CEP112: variants seen among roughly 807,000 people sequenced by gnomAD.
The protein encoded by CEP112 is centrosomal protein 112.
Under a neutral mutation model 153.0 loss-of-function variants are expected in CEP112, and 127 were observed. The ratio of observed to expected loss-of-function variants is 0.83; its 90% CI spans 0.72 to 0.96. The LOEUF (loss-of-function observed/expected upper bound fraction) is 0.96. Among genes scored for constraint, CEP112 ranks in the 40% least tolerant of loss-of-function variants. The pLI, the probability that CEP112 is intolerant of heterozygous loss-of-function variation, is 0.00. For missense variants in CEP112, 1,089 were observed against 1,101.2 expected (o/e 0.99, Z 0.16); for synonymous variants, 358 against 374.4 (o/e 0.96, Z 0.51).
intron 22 of CEP112, among the ~76,000 whole-genome samples, chr17:65,747,377 A>G (rs577057907): frequency 5.3e-5 from 8 of 152,272 alleles, no homozygotes; most frequent in African/African-American, 1.9e-4. Context: ...AGTGTGGGAC[A>G]GTGGTAGGAG....
intron 16 of CEP112, among the ~76,000 whole-genome samples, chr17:66,007,567 GTAGAGAGTCAA>G (rs1344206613): frequency 1.3e-5 from 2 of 152,152 alleles, no homozygotes; most frequent in Non-Finnish European, 2.9e-5. Flanking sequence ...TCTTTTTAAT[GTAGAGAGTCAA>G]AGACTAAAAC....
intron 20 of CEP112, among the ~76,000 whole-genome samples, chr17:65,894,738 C>T (rs2059602162): frequency 6.6e-6 from 1 of 152,008 alleles, no homozygotes; most frequent in Admixed American, 6.6e-5. Context: ...TCTGGGCACT[C>T]CTTCTTATTT....
At chr17:65,653,184 T>C (rs2045875983) in intron 24 of CEP112, among the ~76,000 whole-genome samples, 1 of 152,240 alleles carries the variant, frequency 6.6e-6, no homozygotes. Context: ...ATTCATTGTA[T>C]AGCAGTGTGC....
chr17:65,841,991 C>T (rs1210484959), intron 21 of CEP112, among the ~76,000 whole-genome samples: 4 of 151,846 alleles, frequency 2.6e-5, no homozygotes, highest in African/African-American at 9.7e-5. Flanking sequence ...AAATATAAAA[C>T]TTTGATGATA....
chr17:65,758,343 G>C (rs1055663988), intron 21 of CEP112, among the ~76,000 whole-genome samples: 3 of 151,958 alleles, frequency 2.0e-5, no homozygotes, highest in Admixed American at 2.0e-4. Context: ...CCTTATTAAA[G>C]AGCCCAATGT....
At chr17:65,853,722 C>T (rs2058041037) in intron 20 of CEP112, among the ~76,000 whole-genome samples, 1 of 101,780 alleles carries the variant, frequency 9.8e-6, no homozygotes, top group African/African-American at 3.6e-5. Flanking sequence ...AGCGAGACTC[C>T]ATCTAAAAAA....
intron 24 of CEP112, among the ~76,000 whole-genome samples, chr17:65,666,997 T>C (rs191531816): frequency 6.6e-6 from 1 of 152,180 alleles, no homozygotes; most frequent in African/African-American, 2.4e-5. Flanking sequence ...TAATGCTAAG[T>C]CAGAGGAGTA....
intron 20 of CEP112, among the ~76,000 whole-genome samples, chr17:65,900,366 G>C (rs1479602864): frequency 6.6e-6 from 1 of 152,122 alleles, no homozygotes; most frequent in Non-Finnish European, 1.5e-5. Flanking sequence ...AGGTCATATA[G>C]TCCTCATACT....
intron 24 of CEP112, among the ~76,000 whole-genome samples, chr17:65,659,015 C>CAA (rs777326885): frequency 0.017 from 928 of 55,558 alleles, 106 homozygotes; most frequent in African/African-American, 0.042. Flanking sequence ...GACTCTGTCT[C>CAA]AAAAAAAAAA....
chr17:65,956,968 G>A lies in CEP112; in HGVS notation c.1872+4495C>T, dbSNP rs572106497. On this transcript the variant is annotated intron_variant, in intron 18 of 26. Transcript: ENST00000535342. ...CTATATAGCTGCATTGTATAGGGCA[G>A]GTAGGGTATACAGCATGGATATGCT... is the stretch of plus-strand genomic sequence containing the variant. Among the ~76,000 whole-genome samples, 194 of 152,186 alleles carry A rather than the reference G, an allele frequency of 1.3e-3. 2 individuals carry two copies. The highest frequency in any genetic ancestry group is 4.4e-3 in the African/African-American group (184 of 41,502).
chr17:65,975,659 AT>A (rs551591384), intron 17 of CEP112, among the ~76,000 whole-genome samples: 282 of 152,338 alleles, frequency 1.9e-3, no homozygotes, highest in African/African-American at 6.6e-3. Context: ...ACATATAAAA[AT>A]GTGTGTGATA....
chr17:65,908,234 T>C (rs2060153779), intron 19 of CEP112, among the ~76,000 whole-genome samples: 1 of 152,196 alleles, frequency 6.6e-6, no homozygotes, highest in African/African-American at 2.4e-5. Flanking sequence ...TAAAGAAGAC[T>C]GGCATGTCTT....
chr17:65,656,555 A>C (rs2046073548), intron 24 of CEP112, among the ~76,000 whole-genome samples: 1 of 152,204 alleles, frequency 6.6e-6, no homozygotes. Flanking sequence ...ATAAAGTTTT[A>C]CTGGAACACA....
chr17:65,878,743 G>A (rs1052796401), intron 20 of CEP112, among the ~76,000 whole-genome samples: 1 of 151,576 alleles, frequency 6.6e-6, no homozygotes, highest in Non-Finnish European at 1.5e-5. Flanking sequence ...AAATAAGGAC[G>A]AGCCCCCAAA....
intron 24 of CEP112, among the ~76,000 whole-genome samples, chr17:65,658,470 A>T (rs1456881015): frequency 6.6e-6 from 1 of 152,246 alleles, no homozygotes; most frequent in Non-Finnish European, 1.5e-5. Flanking sequence ...TGCTTCAGCC[A>T]TGTGCCTAGA....
chr17:65,879,238 G>A (rs1414366498), intron 20 of CEP112, among the ~76,000 whole-genome samples: 1 of 152,192 alleles, frequency 6.6e-6, no homozygotes. Flanking sequence ...AGGAATGACA[G>A]GGTCAGAAAG....
chr17:65,637,240 A>G lies in CEP112; in HGVS notation c.2800-52T>C, dbSNP rs1291999939. On this transcript the variant is annotated intron_variant, in intron 25 of 26. Coordinates refer to ENST00000535342, the MANE Select transcript of CEP112 (RefSeq NM_001199165.4). ...AGGTGGACGTGGCTTACATGTCAAT[A>G]TTGTGCAAATAGTATGGTAAGATTT... is the stretch of plus-strand genomic sequence containing the variant. The G allele has an allele frequency of 2.5e-6, 3 of 1,176,986 alleles. No individual in the cohort carries two copies. In the African/African-American group the frequency reaches 4.5e-5, roughly 18 times the overall value. The allele number at this position is 1,176,986 out of a possible 1,614,324, so 72.9% of individuals were successfully genotyped here. A position where few individuals can be genotyped will look rare whatever the true frequency, so the allele number is the denominator to read the frequency against.
At chr17:65,939,480 T>C (rs2061444342) in intron 18 of CEP112, among the ~76,000 whole-genome samples, 1 of 152,176 alleles carries the variant, frequency 6.6e-6, no homozygotes, top group Non-Finnish European at 1.5e-5. Context: ...TCACACTACC[T>C]GACATCAAAA....
At chr17:65,786,310 T>C (rs1449598546) in intron 21 of CEP112, among the ~76,000 whole-genome samples, 1 of 152,112 alleles carries the variant, frequency 6.6e-6, no homozygotes, top group Non-Finnish European at 1.5e-5. Context: ...AACAGGTTTT[T>C]TTTTTGGTAG....
Sources: allele counts gnomAD v4.1 joint callset (sites outside exome capture counted in the v4.1 genomes callset), GRCh38; gene constraint gnomAD v4.1.1; transcripts MANE v1.5; gene names NCBI Gene and HGNC (gene_info 2026-07-23, HGNC 2026-07-21).